WDR64: variants seen among roughly 807,000 people sequenced by gnomAD.
The protein encoded by WDR64 is WD repeat domain 64.
WDR64 carries 112 observed loss-of-function variants against 139.3 expected under a neutral mutation model. The ratio of observed to expected loss-of-function variants is 0.80; its 90% CI spans 0.69 to 0.94. WDR64 has a LOEUF of 0.94. WDR64 is among the 40% of genes least tolerant of loss of function. WDR64 has a pLI of 0.00. For missense variants in WDR64, 1,206 were observed against 1,293.1 expected, an observed-to-expected ratio of 0.93 and a Z score of 1.03; for synonymous variants, 444 against 437.7, an observed-to-expected ratio of 1.01 and a Z score of -0.18.
At chr1:241,782,523 A>T (rs1339172721) in intron 22 of WDR64, among the ~76,000 whole-genome samples, 3 of 152,028 alleles carry the variant, frequency 2.0e-5, no homozygotes, top group Admixed American at 2.0e-4. Context: ...TATCAGTGAT[A>T]AAGAGGGAAT....
At chr1:241,724,401 C>A (rs1016276700) in intron 10 of WDR64, among the ~76,000 whole-genome samples, 2 of 147,024 alleles carry the variant, frequency 1.4e-5, no homozygotes, top group African/African-American at 2.7e-5. Context: ...GAGCAATAGT[C>A]AATGCAGAAA....
At chr1:241,711,563 G>C (rs1434727688) in intron 8 of WDR64, among the ~76,000 whole-genome samples, 1 of 152,126 alleles carries the variant, frequency 6.6e-6, no homozygotes. Context: ...CCAGCATGGA[G>C]GGCTGGATTT....
In WDR64 at chr1:241,656,430, T is replaced by C. The variant is rs1411563285; in HGVS notation, c.145+3801T>C. On this transcript the variant is annotated intron_variant, in intron 1 of 27. Transcript: ENST00000437684. The surrounding 1 kb of genome is among the most constrained non-coding windows in gnomAD (Gnocchi z 4.3). ...TATCCCAGGACAAAGAAAGTCTCATTATCCTCATCCAGTGATATTTACAAT... is the reference window on the plus strand; with the variant it reads ...TATCCCAGGACAAAGAAAGTCTCATCATCCTCATCCAGTGATATTTACAAT... Among the ~76,000 whole-genome samples the C allele has an allele frequency of 2.6e-5, 4 of 152,196 alleles. No individual in the cohort carries two copies. The highest frequency in any genetic ancestry group is 2.6e-4 in the Admixed American group (4 of 15,284).
At chr1:241,718,172 T>C (rs969479044) in intron 9 of WDR64, among the ~76,000 whole-genome samples, 1 of 152,184 alleles carries the variant, frequency 6.6e-6, no homozygotes, top group African/African-American at 2.4e-5. Context: ...ATTAAGCACT[T>C]ACTACTTGCC....
intron 4 of WDR64, among the ~76,000 whole-genome samples, chr1:241,675,050 C>T (rs1666445934): frequency 2.1e-5 from 1 of 46,698 alleles, no homozygotes; most frequent in Non-Finnish European, 4.4e-5. Flanking sequence ...TTCTTTCCTT[C>T]CTTTTCTCCC....
intron 4 of WDR64, 117 bp downstream of exon 4, chr1:241,674,864 T>G: frequency 1.4e-5 from 2 of 138,964 alleles, no homozygotes; most frequent in Non-Finnish European, 2.8e-5. Context: ...CCTTCCTCCC[T>G]CCCTCCTTTC....
chr1:241,669,704 G>A (rs549555045), intron 2 of WDR64, among the ~76,000 whole-genome samples: 9 of 152,306 alleles, frequency 5.9e-5, no homozygotes, highest in Admixed American at 2.6e-4. Context: ...TAACATTTGT[G>A]AAGCAACTGA....
At chr1:241,680,499 A>G (rs1666738055) in intron 6 of WDR64, among the ~76,000 whole-genome samples, 2 of 152,196 alleles carry the variant, frequency 1.3e-5, no homozygotes, top group South Asian at 4.2e-4. Flanking sequence ...TCTTCTCCTC[A>G]TGCTGTTCTG....
chr1:241,731,981 A>G (rs936897699), intron 10 of WDR64, among the ~76,000 whole-genome samples: 65 of 152,164 alleles, frequency 4.3e-4, no homozygotes, highest in African/African-American at 1.5e-3. Context: ...ATTTGTATGT[A>G]GTACTATGTT....
chr1:241,769,695 C>A (rs1658346778), intron 17 of WDR64, among the ~76,000 whole-genome samples, 190 bp downstream of exon 17: 1 of 152,200 alleles, frequency 6.6e-6, no homozygotes, highest in Admixed American at 6.5e-5. Flanking sequence ...CGCTTTCTTC[C>A]CATAACTGTC....
chr1:241,744,474 G>C lies in WDR64; in HGVS notation c.1552G>C (p.Val518Leu). 1.2e-6 allele frequency: 2 copies of C among 1,614,156 alleles called. No homozygotes were observed. The highest frequency in any genetic ancestry group is 1.7e-6 in the Non-Finnish European group (2 of 1,180,012). ...GFNTEVTSAA[V>L]DESGFLFATG... The stretch of plus-strand genomic sequence containing the variant: ...CAATACTGAAGTGACTTCTGCAGCT[G>C]TCGATGAAAGTGGATTTCTTTTTGC... The change falls in exon 13 of 28, where the codon GTC becomes CTC. Residue 518 changes from valine to leucine, a missense_variant. Val to Leu is a conservative substitution (Grantham distance 32). Coordinates refer to ENST00000437684, the MANE Select transcript of WDR64 (RefSeq NM_001367482.1).
rs778256778 is a variant in WDR64, at chr1:241,656,954, A to G, written c.146-3576A>G. On this transcript the variant is annotated intron_variant, in intron 1 of 27. Transcript: ENST00000437684. This position sits in a 1 kb window ranked among gnomAD's most constrained non-coding sequence, Gnocchi z 4.3. Reference sequence around the variant, plus strand: ...TGAGGTGCAAAATCTCCCCTGCATAAGAACCACTGCTCTAGATTCCTGCCT... The same window carrying G: ...TGAGGTGCAAAATCTCCCCTGCATAGGAACCACTGCTCTAGATTCCTGCCT... Among the ~76,000 whole-genome samples, 7 of 150,868 alleles carry G rather than the reference A, an allele frequency of 4.6e-5. No homozygotes were observed. Among genetic ancestry groups the G allele is most frequent in the Non-Finnish European group, 1.0e-4 (7 of 67,822 alleles).
chr1:241,700,001 A>G (rs1357250187), intron 8 of WDR64, among the ~76,000 whole-genome samples: 2 of 151,652 alleles, frequency 1.3e-5, no homozygotes, highest in Non-Finnish European at 2.9e-5. Context: ...CAAAGGAGGG[A>G]GACCAATTGA....
rs1303168092 is a variant in WDR64 at position 241,660,531 on chromosome 1, T to C, written c.147T>C (p.Asp49=). The C allele has an allele frequency of 1.3e-5, 20 of 1,551,584 alleles. No homozygotes were observed. Among genetic ancestry groups the C allele is most frequent in the Non-Finnish European group, 1.7e-5 (20 of 1,146,730 alleles). ...ERAGLFIHKE[D]AIGYDKFYAS... is the part of the protein sequence containing the mutation. ...TGGACTGTACTTTTTTCAATGCAGA[T>C]GCAATTGGTTATGACAAGTTTTATG... Residue 49 remains aspartate, a splice_region_variant and synonymous_variant, in exon 2 of 28, where the codon GAT becomes GAC. Coordinates refer to ENST00000437684, the MANE Select transcript of WDR64 (RefSeq NM_001367482.1).
chr1:241,665,874 G>GGGA (rs1448491082), intron 2 of WDR64, among the ~76,000 whole-genome samples: 1 of 152,118 alleles, frequency 6.6e-6, no homozygotes, highest in Non-Finnish European at 1.5e-5. Flanking sequence ...CTATAATTAT[G>GGGA]TTCCCTCCCA....
chr1:241,751,471 CA>C (rs1212007769), intron 14 of WDR64, among the ~76,000 whole-genome samples: 1 of 151,914 alleles, frequency 6.6e-6, no homozygotes, highest in East Asian at 1.9e-4. Flanking sequence ...AAAACAAAAA[CA>C]AAAAAACAAA....
chr1:241,756,913 A>G (rs907173305), intron 14 of WDR64, among the ~76,000 whole-genome samples: 1 of 152,214 alleles, frequency 6.6e-6, no homozygotes, highest in African/African-American at 2.4e-5. Context: ...TCCATGAAAT[A>G]ACTTGTATAA....
rs536896954 is a variant in WDR64 at position 241,769,369 on chromosome 1, A to C, written c.2082-35A>C. ...AGTACTGTAAGCTCCATAATTTGTG[A>C]ATTTTTTCTCATATAAATGTATACT... is the stretch of plus-strand genomic sequence containing the variant. On this transcript the variant is annotated intron_variant, in intron 16 of 27. Coordinates refer to ENST00000437684, the MANE Select transcript of WDR64 (RefSeq NM_001367482.1). 6 of 1,520,438 alleles carry C rather than the reference A, an allele frequency of 3.9e-6. No homozygotes were observed. The African/African-American group carries it at 6.9e-5, about 17-fold the overall frequency. The allele number at this position is 1,520,438 out of a possible 1,614,324, so 94.2% of individuals were successfully genotyped here. A position where few individuals can be genotyped will look rare whatever the true frequency, so the allele number is the denominator to read the frequency against.
chr1:241,777,237 T>C (rs1187386100), intron 21 of WDR64, among the ~76,000 whole-genome samples: 1 of 151,706 alleles, frequency 6.6e-6, no homozygotes, highest in Non-Finnish European at 1.5e-5. Flanking sequence ...ACTACAGGTG[T>C]ATGCTTTTTT....
Sources: allele counts gnomAD v4.1 joint callset (sites outside exome capture counted in the v4.1 genomes callset), GRCh38; gene constraint gnomAD v4.1.1; non-coding constraint Gnocchi (gnomAD v3.1); transcripts MANE v1.5; gene names NCBI Gene and HGNC (gene_info 2026-07-23, HGNC 2026-07-21).